PIBF1: variants seen among roughly 807,000 people sequenced by gnomAD.
The protein encoded by PIBF1 is progesterone immunomodulatory binding factor 1.
In PIBF1, 90 loss-of-function variants were observed where a neutral mutation model predicts 112.5. The ratio of observed to expected loss-of-function variants is 0.80; its 90% CI spans 0.67 to 0.95. The LOEUF (loss-of-function observed/expected upper bound fraction) is 0.95. Ranked by LOEUF, PIBF1 falls within the 40% of genes least tolerant of loss-of-function variation. PIBF1 has a pLI of 0.00. For missense variants in PIBF1, 915 were observed against 852.3 expected (o/e 1.07, Z -0.92); for synonymous variants, 301 against 288.6 (o/e 1.04, Z -0.44).
Position 72,821,657 on chromosome 13 carries a change from A to G in PIBF1, c.673-192A>G, listed in dbSNP as rs561815615. 2.0e-5 allele frequency among the ~76,000 whole-genome samples: 3 copies of G among 152,338 alleles called. No homozygotes were observed. The South Asian group carries it at 6.2e-4, about 32-fold the overall frequency. ...GTTTAAGTTTTAAACAACTGAGTTT[A>G]CAGACCACTCTGTGAACTTAAGATT... On this transcript the variant is annotated intron_variant, in intron 5 of 17. Coordinates refer to ENST00000326291, the MANE Select transcript of PIBF1 (RefSeq NM_006346.4).
Position 72,835,239 on chromosome 13 carries a change from G to A in PIBF1, c.1098-4G>A. The A allele has an allele frequency of 6.4e-7, 1 of 1,554,850 alleles. No homozygotes were observed. The highest frequency in any genetic ancestry group is 8.6e-7 in the Non-Finnish European group (1 of 1,158,002). On this transcript the variant is annotated splice_region_variant and splice_polypyrimidine_tract_variant and intron_variant, in intron 8 of 17. Transcript: ENST00000326291. ...TTATGGTTGTTCCTTTTCACTCCTT[G>A]CAGAGACCATTATAAAACAGAATAT... is the stretch of plus-strand genomic sequence containing the variant.
intron 10 of PIBF1, among the ~76,000 whole-genome samples, chr13:72,875,743 G>A (rs890290091): frequency 1.3e-5 from 2 of 152,166 alleles, no homozygotes; most frequent in East Asian, 3.8e-4. Context: ...ATCTTCTTTG[G>A]TGATGTGGCT....
At chr13:72,844,728 T>C (rs1460429126) in intron 9 of PIBF1, among the ~76,000 whole-genome samples, 2 of 53,164 alleles carry the variant, frequency 3.8e-5, no homozygotes, top group Non-Finnish European at 6.8e-5. Flanking sequence ...TAATTTTATT[T>C]ACACACACAC....
intron 5 of PIBF1, among the ~76,000 whole-genome samples, chr13:72,805,614 A>G (rs1566292903): frequency 6.6e-6 from 1 of 152,366 alleles, no homozygotes; most frequent in East Asian, 1.9e-4. Context: ...GTAATTTTAA[A>G]GTTGGATACA....
intron 10 of PIBF1, among the ~76,000 whole-genome samples, chr13:72,863,826 A>G (rs573896161): frequency 3.9e-5 from 6 of 152,348 alleles, no homozygotes; most frequent in African/African-American, 1.4e-4. Flanking sequence ...GATATACTCA[A>G]AAATCTTTAC....
intron 14 of PIBF1, among the ~76,000 whole-genome samples, chr13:72,955,516 T>C (rs549431471): frequency 6.6e-6 from 1 of 152,304 alleles, no homozygotes; most frequent in East Asian, 1.9e-4. Flanking sequence ...ATTTTTTACC[T>C]GCCGGTTGTT....
chr13:72,874,641 G>A (rs186494967), intron 10 of PIBF1, among the ~76,000 whole-genome samples: 84 of 152,284 alleles, frequency 5.5e-4, no homozygotes, highest in African/African-American at 1.9e-3. Context: ...ATGATGTTAA[G>A]ATCATAGTCA....
intron 10 of PIBF1, among the ~76,000 whole-genome samples, chr13:72,881,716 G>GAA (rs973383603): frequency 2.0e-5 from 2 of 99,600 alleles, no homozygotes; most frequent in Non-Finnish European, 2.1e-5. Context: ...ACTCCATCTT[G>GAA]AAAAAAAAAA....
chr13:72,945,667 G>A (rs971656939), intron 14 of PIBF1, among the ~76,000 whole-genome samples: 3 of 151,924 alleles, frequency 2.0e-5, no homozygotes, highest in African/African-American at 4.8e-5. Context: ...TTAAAACAAA[G>A]AAAAGCTTCA....
chr13:72,986,952 A>G (rs574134185), intron 16 of PIBF1, among the ~76,000 whole-genome samples: 1 of 151,930 alleles, frequency 6.6e-6, no homozygotes, highest in Non-Finnish European at 1.5e-5. Context: ...CGGCCTCCCA[A>G]AGTGCTGGGA....
chr13:72,877,230 C>T (rs962347257), intron 10 of PIBF1, among the ~76,000 whole-genome samples: 1 of 152,002 alleles, frequency 6.6e-6, no homozygotes, highest in Admixed American at 6.6e-5. Context: ...TGGGATAAAT[C>T]CCACTTGGTT....
At chr13:72,883,841 C>T (rs889103834) in intron 10 of PIBF1, among the ~76,000 whole-genome samples, 5 of 152,138 alleles carry the variant, frequency 3.3e-5, no homozygotes. Flanking sequence ...CATCTGTAAT[C>T]CCAGCACTTT....
At chr13:72,828,049 T>C (rs957086632) in intron 8 of PIBF1, 135 bp downstream of exon 8, 4 of 351,952 alleles carry the variant, frequency 1.1e-5, no homozygotes. Context: ...TAATACCTTA[T>C]TTTATTTTAT....
chr13:72,874,572 G>C (rs1195587877), intron 10 of PIBF1, among the ~76,000 whole-genome samples: 1 of 152,188 alleles, frequency 6.6e-6, no homozygotes, highest in Non-Finnish European at 1.5e-5. Flanking sequence ...AGAGCCAGGG[G>C]TGGAATGAGA....
intron 17 of PIBF1, among the ~76,000 whole-genome samples, chr13:73,010,196 A>T (rs1028112423): frequency 6.8e-6 from 1 of 147,656 alleles, no homozygotes; most frequent in Non-Finnish European, 1.5e-5. Flanking sequence ...ACTTACCCCC[A>T]CTATGGCCAA....
At chr13:72,861,718 A>G (rs998796675) in intron 10 of PIBF1, among the ~76,000 whole-genome samples, 29 of 152,276 alleles carry the variant, frequency 1.9e-4, no homozygotes, top group African/African-American at 5.8e-4. Context: ...GGTGTGTGCC[A>G]CCACACCTGG....
chr13:72,968,648 T>C (rs2042813052), intron 15 of PIBF1, among the ~76,000 whole-genome samples: 1 of 152,086 alleles, frequency 6.6e-6, no homozygotes, highest in African/African-American at 2.4e-5. Context: ...AAATTTTTAA[T>C]TCTATTAAAA....
chr13:72,854,010 G>T, intron 9 of PIBF1, 47 bp from the exon 10 acceptor site: 1 of 1,322,964 alleles, frequency 7.6e-7, no homozygotes, highest in South Asian at 1.2e-5. Context: ...AAAGAACATA[G>T]ATAAATCACG....
intron 17 of PIBF1, among the ~76,000 whole-genome samples, chr13:73,012,134 C>G (rs868658793): frequency 6.6e-6 from 1 of 152,068 alleles, no homozygotes; most frequent in African/African-American, 2.4e-5. Flanking sequence ...AGCAGATCAC[C>G]TGAGATCAGG....
Sources: allele counts gnomAD v4.1 joint callset (sites outside exome capture counted in the v4.1 genomes callset), GRCh38; gene constraint gnomAD v4.1.1; transcripts MANE v1.5; gene names NCBI Gene and HGNC (gene_info 2026-07-23, HGNC 2026-07-21).